The following CYRIA variants were observed in gnomAD, a reference collection of about 807,000 sequenced individuals.
CYRIA encodes the protein CYFIP related Rac1 interactor A, also known as CYFIP-related Rac1 interactor A.
CYRIA carries 15 observed loss-of-function variants against 43.9 expected under a neutral mutation model. That is an observed-to-expected ratio of 0.34 (90% CI 0.23 to 0.53). CYRIA has a LOEUF of 0.53. CYRIA is among the 20% of genes least tolerant of loss of function. The probability of loss-of-function intolerance (pLI) is 0.94; values close to 1 mark genes in which losing one functional copy is unlikely to be tolerated. For synonymous variants in CYRIA, 117 were observed against 136.0 expected (o/e 0.86, Z 0.97); for missense variants, 236 against 394.2 (o/e 0.60, Z 3.40).
At chr2:16,600,164 C>A (rs2103475636) in intron 2 of CYRIA, among the ~76,000 whole-genome samples, 1 of 152,318 alleles carries the variant, frequency 6.6e-6, no homozygotes, top group Non-Finnish European at 1.5e-5. Flanking sequence ...CAAAGTGGTT[C>A]ATAAATACTT....
At chr2:16,592,890 TGTAA>T (rs1443457162) in intron 2 of CYRIA, among the ~76,000 whole-genome samples, 3 of 152,206 alleles carry the variant, frequency 2.0e-5, no homozygotes, top group Non-Finnish European at 2.9e-5. Flanking sequence ...AGGTGTGTAC[TGTAA>T]GTAATACATG....
intron 1 of CYRIA, among the ~76,000 whole-genome samples, chr2:16,652,445 G>A (rs75852064): frequency 0.013 from 2,021 of 152,218 alleles, 52 homozygotes; most frequent in African/African-American, 0.044. Context: ...TCCCCTTGCC[G>A]TATACCCTAT....
Position 16,650,017 on chromosome 2 carries a change from A to T in CYRIA, c.-167+15763T>A, listed in dbSNP as rs773820540. On this transcript the variant is annotated intron_variant, in intron 1 of 11. Coordinates refer to ENST00000381323, the MANE Select transcript of CYRIA (RefSeq NM_030797.4). This position sits in a 1 kb window ranked among gnomAD's most constrained non-coding sequence, Gnocchi z 4.1. ...TTGCTCGATCGCTTCTGTCATGAGCATGACACATTCCAAGAAGCACACACC... is the reference window on the plus strand; with the variant it reads ...TTGCTCGATCGCTTCTGTCATGAGCTTGACACATTCCAAGAAGCACACACC... Among the ~76,000 whole-genome samples, 6 of 152,196 alleles carry T rather than the reference A, an allele frequency of 3.9e-5. No homozygotes were observed. The highest frequency in any genetic ancestry group is 8.8e-5 in the Non-Finnish European group (6 of 68,034).
chr2:16,570,950 A>T (rs539889286), intron 3 of CYRIA, among the ~76,000 whole-genome samples: 3 of 152,316 alleles, frequency 2.0e-5, no homozygotes, highest in Admixed American at 2.0e-4. Flanking sequence ...CTCCTGTCTA[A>T]CAATAAAGCT....
intron 3 of CYRIA, among the ~76,000 whole-genome samples, chr2:16,578,894 A>G (rs1405139801): frequency 2.0e-5 from 3 of 152,192 alleles, no homozygotes; most frequent in African/African-American, 7.2e-5. Flanking sequence ...AATGACAGGT[A>G]TTAATTCATA....
chr2:16,655,362 C>G (rs574496828), intron 1 of CYRIA, among the ~76,000 whole-genome samples: 1 of 152,290 alleles, frequency 6.6e-6, no homozygotes, highest in South Asian at 2.1e-4. Flanking sequence ...AATGGAGGAA[C>G]TGAGGCTCAG....
At chr2:16,568,383 C>T (rs1485131059) in intron 3 of CYRIA, among the ~76,000 whole-genome samples, 1 of 152,144 alleles carries the variant, frequency 6.6e-6, no homozygotes, top group Non-Finnish European at 1.5e-5. Context: ...ATGTTACTCA[C>T]AATATTAATC....
intron 1 of CYRIA, among the ~76,000 whole-genome samples, chr2:16,646,492 G>T (rs1669824231): frequency 6.6e-6 from 1 of 152,184 alleles, no homozygotes; most frequent in Admixed American, 6.5e-5. Flanking sequence ...GAAAAATGGG[G>T]CTCTGGGGCA....
intron 4 of CYRIA, among the ~76,000 whole-genome samples, chr2:16,565,067 G>A (rs1235760490): frequency 6.6e-6 from 1 of 152,106 alleles, no homozygotes; most frequent in African/African-American, 2.4e-5. Flanking sequence ...TTGTTTAAAT[G>A]TGAGTCCTGC....
At chr2:16,657,821 T>G (rs1670157652) in intron 1 of CYRIA, among the ~76,000 whole-genome samples, 1 of 152,250 alleles carries the variant, frequency 6.6e-6, no homozygotes, top group African/African-American at 2.4e-5. Flanking sequence ...CTTATCTTTC[T>G]GCTGAAAACC....
rs571100502 is a variant in CYRIA, at chr2:16,643,489, A to G, written c.-166-19470T>C. 2.6e-5 allele frequency among the ~76,000 whole-genome samples: 4 copies of G among 152,380 alleles called. No homozygotes were observed. In the East Asian group the frequency reaches 7.7e-4, roughly 29 times the overall value. On this transcript the variant is annotated intron_variant, in intron 1 of 11. Coordinates refer to ENST00000381323, the MANE Select transcript of CYRIA (RefSeq NM_030797.4). Reference sequence around the variant, plus strand: ...CCATGGACAGTTTTGAGAGACTTCAATATGCAGCAATGCTTTTTACATAAA... The same window carrying G: ...CCATGGACAGTTTTGAGAGACTTCAGTATGCAGCAATGCTTTTTACATAAA...
At chr2:16,589,558 T>A (rs187001734) in intron 2 of CYRIA, among the ~76,000 whole-genome samples, 28 of 152,230 alleles carry the variant, frequency 1.8e-4, no homozygotes, top group African/African-American at 6.5e-4. Flanking sequence ...GCAAGAGATT[T>A]CATCTCCATA....
At chr2:16,641,072 C>T (rs907583756) in intron 1 of CYRIA, among the ~76,000 whole-genome samples, 1 of 152,168 alleles carries the variant, frequency 6.6e-6, no homozygotes, top group Non-Finnish European at 1.5e-5. Context: ...CCGCCCCCTC[C>T]TCTGCTCCCA....
At chr2:16,560,300 C>T (rs996229361) in intron 9 of CYRIA, among the ~76,000 whole-genome samples, 2 of 152,118 alleles carry the variant, frequency 1.3e-5, no homozygotes, top group Non-Finnish European at 2.9e-5. Flanking sequence ...TGCCATCTTA[C>T]ATTTGAACAG....
At chr2:16,604,050 C>G (rs1199380193) in intron 2 of CYRIA, among the ~76,000 whole-genome samples, 1 of 152,198 alleles carries the variant, frequency 6.6e-6, no homozygotes, top group Non-Finnish European at 1.5e-5. Flanking sequence ...GAGCTACAAG[C>G]GTGACCTGGC....
chr2:16,571,118 G>A (rs763198167), intron 3 of CYRIA, among the ~76,000 whole-genome samples: 5 of 152,132 alleles, frequency 3.3e-5, no homozygotes, highest in Admixed American at 6.5e-5. Context: ...AGTGCCCTGC[G>A]ACCTTGCACA....
At chr2:16,612,614 G>C (rs1407376460) in intron 2 of CYRIA, among the ~76,000 whole-genome samples, 1 of 152,222 alleles carries the variant, frequency 6.6e-6, no homozygotes, top group Non-Finnish European at 1.5e-5. Flanking sequence ...GTGATGGCCA[G>C]AGACTTACTT....
intron 2 of CYRIA, among the ~76,000 whole-genome samples, chr2:16,609,481 G>A (rs4832469): frequency 0.21 from 32,155 of 152,024 alleles, 4,695 homozygotes; most frequent in East Asian, 0.83. Context: ...TTTCTACCAC[G>A]GGACCCTTGC....
At chr2:16,619,337 A>T (rs181190023) in intron 2 of CYRIA, among the ~76,000 whole-genome samples, 2 of 152,340 alleles carry the variant, frequency 1.3e-5, no homozygotes, top group East Asian at 3.9e-4. Flanking sequence ...ATGCATATGT[A>T]CATACACACG....
Sources: gnomAD v4.1 joint callset for allele counts (sites outside exome capture counted in the v4.1 genomes callset) on GRCh38, gnomAD v4.1.1 for gene constraint, Gnocchi (gnomAD v3.1) non-coding constraint, MANE v1.5 for transcripts, NCBI Gene and HGNC (gene_info 2026-07-23, HGNC 2026-07-21) for gene names.